RFFL: variants seen among roughly 807,000 people sequenced by gnomAD.
RFFL encodes the protein E3 ubiquitin-protein ligase rififylin.
RFFL carries 16 observed loss-of-function variants against 40.4 expected under a neutral mutation model. That is an observed-to-expected ratio of 0.40 (90% confidence interval 0.27 to 0.60). The LOEUF is 0.60. RFFL is among the 20% of genes least tolerant of loss of function. The pLI, the probability that RFFL is intolerant of heterozygous loss-of-function variation, is 0.47. For synonymous variants in RFFL, 154 were observed against 167.9 expected (o/e 0.92, Z 0.64); for missense variants, 367 against 451.7 (o/e 0.81, Z 1.70).
chr17:35,070,053 AGAGCACGCGCACGTGCAAAAGAGCGAGC>A (rs1164772833), intron 1 of RFFL, among the ~76,000 whole-genome samples: 40 of 152,002 alleles, frequency 2.6e-4, no homozygotes, highest in South Asian at 4.2e-4. Flanking sequence ...CGAGAGAGGG[AGAGCACGCGCACGTGCAAAAGAGCGAGC>A]GAGCACGCAC....
chr17:35,011,825 G>A lies in RFFL; in HGVS notation c.*143C>T. ...CCCCTGGGAAGACAGGCATGCTCAG[G>A]GGTGACATGGCATCTTGCTTGACCT... On this transcript the variant is annotated 3_prime_UTR_variant, in exon 7 of 7. Transcript: ENST00000394597. 1.3e-6 allele frequency: 1 copy of A among 751,250 alleles called. No homozygotes were observed. The highest frequency in any genetic ancestry group is 1.8e-5 in the African/African-American group (1 of 57,112). The allele number at this position is 751,250 out of a possible 1,614,324, so 46.5% of individuals were successfully genotyped here. A position where few individuals can be genotyped will look rare whatever the true frequency, so the allele number is the denominator to read the frequency against.
At chr17:35,047,909 GC>G (rs1442896023) in intron 1 of RFFL, among the ~76,000 whole-genome samples, 2 of 151,814 alleles carry the variant, frequency 1.3e-5, no homozygotes, top group African/African-American at 4.8e-5. Flanking sequence ...CCACCACCAT[GC>G]CCGGCTAATT....
chr17:35,077,091 T>A (rs1471512242), intron 1 of RFFL: 1 of 152,590 alleles, frequency 6.6e-6, no homozygotes, highest in Admixed American at 6.7e-5. Flanking sequence ...ATATATATAT[T>A]AAATATATAT....
At chr17:35,023,725 C>G (rs181551225) in intron 2 of RFFL, among the ~76,000 whole-genome samples, 2 of 152,350 alleles carry the variant, frequency 1.3e-5, no homozygotes, top group African/African-American at 2.4e-5. Flanking sequence ...ATTATAAAGC[C>G]TGCGTTGCTC....
intron 1 of RFFL, among the ~76,000 whole-genome samples, chr17:35,035,200 G>A (rs572239425): frequency 1.6e-4 from 24 of 152,138 alleles, no homozygotes; most frequent in Non-Finnish European, 3.1e-4. Flanking sequence ...ACAAGGTCAG[G>A]AGAGTGAGAC....
rs76068652 is a variant in RFFL, at chr17:35,054,372, T to C, written c.-9+9204A>G. ...ATTCCCACAAGCTGAGGCCTCTTTC[T>C]GATTTATTTTTCCCACATCAGATGG... On this transcript the variant is annotated intron_variant, in intron 1 of 6. Transcript: ENST00000394597. 7.2e-3 allele frequency among the ~76,000 whole-genome samples: 1,093 copies of C among 152,328 alleles called. 15 individuals carry two copies. Among genetic ancestry groups the C allele is most frequent in the African/African-American group, 0.025 (1,019 of 41,564 alleles).
chr17:35,018,220 C>T (rs993219178), intron 3 of RFFL, among the ~76,000 whole-genome samples: 1 of 152,152 alleles, frequency 6.6e-6, no homozygotes, highest in Non-Finnish European at 1.5e-5. Flanking sequence ...GAAATGTGCT[C>T]CCCATGTTGA....
chr17:35,056,239 C>A (rs530805645), intron 1 of RFFL, among the ~76,000 whole-genome samples: 2 of 152,258 alleles, frequency 1.3e-5, no homozygotes, highest in South Asian at 4.1e-4. Context: ...GCCTGACTTA[C>A]CTTTGACATC....
chr17:35,047,751 C>CTTT (rs34382647), intron 1 of RFFL, among the ~76,000 whole-genome samples: 1 of 138,350 alleles, frequency 7.2e-6, no homozygotes, highest in African/African-American at 2.7e-5. Flanking sequence ...CCATGCCCAG[C>CTTT]TTTTTTTTTT....
chr17:35,068,749 G>A lies in RFFL; in HGVS notation c.-9+20356C>T, dbSNP rs1018078114. Among the ~76,000 whole-genome samples, 34 of 152,180 alleles carry A rather than the reference G, an allele frequency of 2.2e-4. 1 individual carries two copies. Among genetic ancestry groups the A allele is most frequent in the African/African-American group, 8.0e-4 (33 of 41,450 alleles). On this transcript the variant is annotated intron_variant, in intron 1 of 6. Transcript: ENST00000315249. ...AAAAAGTAGCAAGCATGCAGGAAAAGAAAGAATCCAGAGGGGTCAGGACCC... is the reference window on the plus strand; with the variant it reads ...AAAAAGTAGCAAGCATGCAGGAAAAAAAAGAATCCAGAGGGGTCAGGACCC...
At chr17:35,014,651 G>C (rs2090962114) in intron 6 of RFFL, 89 bp downstream of exon 6, 1 of 1,280,456 alleles carries the variant, frequency 7.8e-7, no homozygotes, top group African/African-American at 1.5e-5. Context: ...CAAATGCTCA[G>C]AATTCTTAGA....
intron 1 of RFFL, among the ~76,000 whole-genome samples, chr17:35,048,562 G>A (rs1337986725): frequency 6.6e-6 from 1 of 152,078 alleles, no homozygotes; most frequent in African/African-American, 2.4e-5. Flanking sequence ...ACTTCTCAGA[G>A]GTGGTCAGAG....
chr17:35,033,136 T>C (rs2091096536), intron 1 of RFFL, among the ~76,000 whole-genome samples: 1 of 152,006 alleles, frequency 6.6e-6, no homozygotes, highest in Non-Finnish European at 1.5e-5. Context: ...TGCAGACATA[T>C]TCACAAACTG....
intron 1 of RFFL, among the ~76,000 whole-genome samples, chr17:35,030,272 C>A (rs1185836298): frequency 1.3e-5 from 2 of 149,500 alleles, no homozygotes; most frequent in East Asian, 1.9e-4. Context: ...GCCACACTGA[C>A]TTCCACAATG....
chr17:35,087,310 C>A (rs1316086055), intron 1 of RFFL, among the ~76,000 whole-genome samples: 3 of 151,594 alleles, frequency 2.0e-5, no homozygotes, highest in Non-Finnish European at 4.4e-5. Flanking sequence ...ATGATTACGC[C>A]ACTGCACGCC....
intron 2 of RFFL, among the ~76,000 whole-genome samples, chr17:35,023,058 A>T (rs1399071448): frequency 6.6e-6 from 1 of 152,248 alleles, no homozygotes; most frequent in African/African-American, 2.4e-5. Flanking sequence ...AGCATGTCAC[A>T]TCCCCAACAA....
At position 35,016,355 on chromosome 17, in the gene RFFL, CAGAT is replaced by C. The variant is rs776134704; in HGVS notation, c.886+11_886+14del. 2 of 1,607,936 alleles carry C rather than the reference CAGAT, an allele frequency of 1.2e-6. No homozygotes were observed. The highest frequency in any genetic ancestry group is 2.7e-5 in the African/African-American group (2 of 74,796). The stretch of plus-strand genomic sequence containing the variant: ...TCCTGAGCTCTGTAAAGCTACCATG[CAGAT>C]AGCCCCTCACCCAGGTGCTGGAGTC... On this transcript the variant is annotated intron_variant, in intron 5 of 6. Transcript: ENST00000394597.
At chr17:35,031,751 A>G (rs1047199262) in intron 1 of RFFL, among the ~76,000 whole-genome samples, 1 of 151,978 alleles carries the variant, frequency 6.6e-6, no homozygotes, top group East Asian at 1.9e-4. Context: ...AGTCAAGAAG[A>G]GAAGGAATTT....
rs190854939 is a variant in RFFL at position 35,007,404 on chromosome 17, C to T, written c.*4564G>A. 1 of 152,170 alleles carries T rather than the reference C, an allele frequency of 6.6e-6. No homozygotes were observed. The highest frequency in any genetic ancestry group is 1.5e-5 in the Non-Finnish European group (1 of 68,036). 9.4% of individuals were successfully genotyped at this position (152,170 alleles called of 1,614,324 possible). A position where few individuals can be genotyped will look rare whatever the true frequency, so the allele number is the denominator to read the frequency against. ...TGTATTTCAATGCAGCCCTCAACAT[C>T]ATCATCATAAATCTCTCCAGCAGAA... is the stretch of plus-strand genomic sequence containing the variant. On this transcript the variant is annotated 3_prime_UTR_variant, in exon 7 of 7. Transcript: ENST00000394597.
Sources: gnomAD v4.1 joint callset for allele counts (sites outside exome capture counted in the v4.1 genomes callset) on GRCh38, gnomAD v4.1.1 for gene constraint, MANE v1.5 for transcripts, NCBI Gene and HGNC (gene_info 2026-07-23, HGNC 2026-07-21) for gene names.